RAD51B: variants seen among roughly 807,000 people sequenced by gnomAD.
RAD51B encodes the protein DNA repair protein RAD51 homolog 2.
RAD51B carries 38 observed loss-of-function variants against 42.2 expected under a neutral mutation model. The observed-to-expected ratio is 0.90, with a 90% confidence interval of 0.70 to 1.18. The LOEUF is 1.18. Ranked by LOEUF, RAD51B falls within the 50% of genes most tolerant of loss-of-function variation. RAD51B has a pLI of 0.00. For synonymous variants in RAD51B, 154 were observed against 145.2 expected, an observed-to-expected ratio of 1.06 and a Z score of -0.43; for missense variants, 373 against 400.7, an observed-to-expected ratio of 0.93 and a Z score of 0.59.
intron 8 of RAD51B, among the ~76,000 whole-genome samples, chr14:68,331,651 A>G (rs201799707): frequency 5.3e-5 from 8 of 152,130 alleles, no homozygotes; most frequent in East Asian, 1.9e-4. Flanking sequence ...CAGATTCCGC[A>G]TGTTCTGCAC....
intron 8 of RAD51B, among the ~76,000 whole-genome samples, chr14:68,400,660 T>A (rs2084075363): frequency 6.6e-6 from 1 of 151,936 alleles, no homozygotes; most frequent in Admixed American, 6.6e-5. Context: ...TAGAACACAC[T>A]GTGGGGGAAA....
chr14:67,932,949 AGAG>A (rs904234294), intron 7 of RAD51B, among the ~76,000 whole-genome samples: 3 of 152,156 alleles, frequency 2.0e-5, no homozygotes, highest in Non-Finnish European at 2.9e-5. Flanking sequence ...AGTGGTGTGC[AGAG>A]GAGGAGAGAG....
chr14:68,527,475 C>T (rs1887007543), intron 10 of RAD51B, among the ~76,000 whole-genome samples: 1 of 152,218 alleles, frequency 6.6e-6, no homozygotes, highest in Non-Finnish European at 1.5e-5. Context: ...TTCCAGGAGT[C>T]ACAACAAAGT....
chr14:68,609,044 A>G (rs969335301), intron 10 of RAD51B, among the ~76,000 whole-genome samples: 2 of 152,046 alleles, frequency 1.3e-5, no homozygotes, highest in African/African-American at 4.8e-5. Flanking sequence ...CTCTGGCCGC[A>G]GCTTCCTCCC....
chr14:68,121,352 A>G (rs1255384955), intron 7 of RAD51B, among the ~76,000 whole-genome samples: 1 of 152,172 alleles, frequency 6.6e-6, no homozygotes, highest in East Asian at 1.9e-4. Context: ...ATTGTAGTAG[A>G]CATGTTTTAT....
chr14:68,568,536 A>G (rs1280595788), intron 10 of RAD51B, among the ~76,000 whole-genome samples: 1 of 152,200 alleles, frequency 6.6e-6, no homozygotes, highest in East Asian at 1.9e-4. Flanking sequence ...ATAGAGCCCT[A>G]TCTTTCCTGG....
chr14:68,657,136 T>A lies in RAD51B; in HGVS notation c.*11+6280T>A, dbSNP rs189371122. 5.1e-4 allele frequency among the ~76,000 whole-genome samples: 77 copies of A among 152,294 alleles called. 1 individual carries two copies. The highest frequency in any genetic ancestry group is 1.8e-3 in the African/African-American group (74 of 41,562). Reference sequence around the variant, plus strand: ...ATTGAGCACTGAGATGGAGCTGGTGTGACTGAGAAACAGAACCTTTACCTA... The same window carrying A: ...ATTGAGCACTGAGATGGAGCTGGTGAGACTGAGAAACAGAACCTTTACCTA... On this transcript the variant is annotated intron_variant, in intron 11 of 11. Coordinates refer to the RAD51B transcript ENST00000488612.
At chr14:68,540,675 C>T in intron 10 of RAD51B, 23 of 985,276 alleles carry the variant, frequency 2.3e-5, no homozygotes, top group Non-Finnish European at 2.8e-5. Flanking sequence ...CAAGGGGACC[C>T]TAATTGAATG....
rs73290270 is a variant in RAD51B, at chr14:68,283,551, T to A, written c.757-8333T>A. On this transcript the variant is annotated intron_variant, in intron 7 of 10. Transcript: ENST00000471583. The stretch of plus-strand genomic sequence containing the variant: ...AGCCACTGTGGCTGCATTGTCACAG[T>A]TCACCAATTGTGCATGTTATTTCCT... Among the ~76,000 whole-genome samples the A allele has an allele frequency of 4.4e-3, 676 of 152,306 alleles. 7 individuals are homozygous for A. Among genetic ancestry groups the A allele is most frequent in the African/African-American group, 0.015 (637 of 41,568 alleles).
intron 7 of RAD51B, among the ~76,000 whole-genome samples, chr14:68,138,504 A>G (rs1415227334): frequency 6.6e-6 from 1 of 152,166 alleles, no homozygotes; most frequent in Non-Finnish European, 1.5e-5. Flanking sequence ...AAACTTAAAA[A>G]AAAATTCTCT....
Position 68,309,066 on chromosome 14 carries a change from ATGT to A in RAD51B, c.853+17088_853+17090del, listed in dbSNP as rs1418484098. The stretch of plus-strand genomic sequence containing the variant: ...TGATGCAACACTACACTATTTGATG[ATGT>A]TTCTGTGTCACTTAAGATGGGCGTT... On this transcript the variant is annotated intron_variant, in intron 8 of 10. Transcript: ENST00000471583. 5.9e-5 allele frequency among the ~76,000 whole-genome samples: 9 copies of A among 152,268 alleles called. No individual in the cohort carries two copies. In the South Asian group the frequency reaches 1.5e-3, roughly 25 times the overall value.
At chr14:67,897,266 G>T (rs768605410) in intron 7 of RAD51B, among the ~76,000 whole-genome samples, 1 of 152,104 alleles carries the variant, frequency 6.6e-6, no homozygotes, top group African/African-American at 2.4e-5. Flanking sequence ...AAACTTAAAA[G>T]CTTCTGCATA....
intron 10 of RAD51B, among the ~76,000 whole-genome samples, chr14:68,525,449 T>A (rs74685601): frequency 2.6e-5 from 4 of 152,216 alleles, no homozygotes; most frequent in African/African-American, 9.6e-5. Flanking sequence ...CCTCAGGTCA[T>A]AGGACCTGGA....
At chr14:68,384,799 T>C (rs1286603278) in intron 8 of RAD51B, among the ~76,000 whole-genome samples, 1 of 152,244 alleles carries the variant, frequency 6.6e-6, no homozygotes, top group Non-Finnish European at 1.5e-5. Context: ...CAAGAATTCA[T>C]TTAAAATAAC....
At chr14:68,256,877 A>G (rs2080764811) in intron 7 of RAD51B, among the ~76,000 whole-genome samples, 3 of 152,354 alleles carry the variant, frequency 2.0e-5, no homozygotes, top group South Asian at 4.1e-4. Flanking sequence ...GGATTTATTC[A>G]TATAAGGGAT....
At chr14:68,219,080 G>T (rs1309904794) in intron 7 of RAD51B, among the ~76,000 whole-genome samples, 1 of 152,100 alleles carries the variant, frequency 6.6e-6, no homozygotes, top group Non-Finnish European at 1.5e-5. Context: ...AAAGAGAAAG[G>T]GAACTTCTAA....
At chr14:67,901,009 A>G (rs1207790655) in intron 7 of RAD51B, among the ~76,000 whole-genome samples, 5 of 152,162 alleles carry the variant, frequency 3.3e-5, no homozygotes, top group African/African-American at 1.2e-4. Context: ...GAGAGTAAAT[A>G]GAGTAGAATT....
chr14:68,527,903 T>G (rs1887036024), intron 10 of RAD51B, among the ~76,000 whole-genome samples: 1 of 152,262 alleles, frequency 6.6e-6, no homozygotes, highest in East Asian at 1.9e-4. Context: ...GCAGTGGAAT[T>G]GTAAGGATAT....
At chr14:68,024,991 A>G (rs1357741819) in intron 7 of RAD51B, among the ~76,000 whole-genome samples, 1 of 152,018 alleles carries the variant, frequency 6.6e-6, no homozygotes, top group Non-Finnish European at 1.5e-5. Context: ...TGGGTTTGTC[A>G]TAGCTTTTAT....
Sources: gnomAD v4.1 joint callset for allele counts (sites outside exome capture counted in the v4.1 genomes callset) on GRCh38, gnomAD v4.1.1 for gene constraint, MANE v1.5 for transcripts, NCBI Gene and HGNC (gene_info 2026-07-23, HGNC 2026-07-21) for gene names.